Variants in IL1RL2 observed in about 807,000 individuals in gnomAD.
The protein encoded by IL1RL2 is interleukin-1 receptor-like 2.
IL1RL2 carries 68 observed loss-of-function variants against 66.8 expected under a neutral mutation model. The observed-to-expected ratio is 1.02, with a 90% CI of 0.84 to 1.25. The LOEUF is 1.25. Among genes scored for constraint, IL1RL2 ranks in the 50% most tolerant of loss-of-function variants. The pLI is 0.00. For missense variants in IL1RL2, 729 were observed against 709.3 expected (o/e 1.03, Z -0.32); for synonymous variants, 305 against 264.6 (o/e 1.15, Z -1.48).
At chr2:102,201,242 C>A (rs533640477) in intron 4 of IL1RL2, among the ~76,000 whole-genome samples, 1 of 152,270 alleles carries the variant, frequency 6.6e-6, no homozygotes, top group Admixed American at 6.5e-5. Flanking sequence ...TCAAGTCCTA[C>A]TAGACTTATT....
Position 102,239,822 on chromosome 2 carries a change from TC to T in IL1RL2, c.*582del, listed in dbSNP as rs1288713186. ...GGGTGAGAGCTGGGGGGATCACCTG[TC>T]ATGGTGGGTGAGAGTTGGGATTCAT... On this transcript the variant is annotated 3_prime_UTR_variant, in exon 12 of 12. Coordinates refer to ENST00000264257, the MANE Select transcript of IL1RL2 (RefSeq NM_003854.4). The T allele has an allele frequency of 6.4e-6, 1 of 155,690 alleles. No homozygotes were observed. Among genetic ancestry groups the T allele is most frequent in the Non-Finnish European group, 1.4e-5 (1 of 69,886 alleles). 9.6% of individuals were successfully genotyped at this position (155,690 alleles called of 1,614,324 possible).
In IL1RL2 at chr2:102,235,372, G is replaced by T; in HGVS notation, c.1678+95G>T. 3 of 1,525,748 alleles carry T rather than the reference G, an allele frequency of 2.0e-6. No individual in the cohort carries two copies. In the South Asian group the frequency reaches 3.8e-5, roughly 19 times the overall value. 94.5% of individuals were successfully genotyped at this position (1,525,748 alleles called of 1,614,324 possible). On this transcript the variant is annotated intron_variant, in intron 11 of 11. Transcript: ENST00000264257. ...AGCTGGAGGAGGACACGTTTCATCG[G>T]GGCCGTCTGCTCTGAAGCTGGCAGT...
chr2:102,231,327 G>C (rs1169787471), intron 9 of IL1RL2, among the ~76,000 whole-genome samples: 2 of 151,838 alleles, frequency 1.3e-5, no homozygotes, highest in African/African-American at 4.8e-5. Context: ...ACGAAACCCC[G>C]TCTCTGCTAA....
intron 5 of IL1RL2, among the ~76,000 whole-genome samples, chr2:102,204,610 A>C (rs577915936): frequency 6.6e-6 from 1 of 152,048 alleles, no homozygotes; most frequent in East Asian, 1.9e-4. Context: ...TTTTATCATT[A>C]CATAGTGACT....
chr2:102,240,121 A>G (rs1207733655), downstream of IL1RL2: 1 of 152,144 alleles, frequency 6.6e-6, no homozygotes, highest in African/African-American at 2.4e-5. Context: ...ACATTCAAAT[A>G]TTTTTCACCT....
intron 6 of IL1RL2, 78 bp from the exon 7 acceptor site, chr2:102,218,875 C>A (rs1689845637): frequency 3.2e-6 from 4 of 1,254,292 alleles, no homozygotes; most frequent in Non-Finnish European, 4.6e-6. Flanking sequence ...GAGTACGATG[C>A]ACTTGTAATC....
At chr2:102,189,680 C>T (rs1334218114) in intron 3 of IL1RL2, among the ~76,000 whole-genome samples, 2 of 152,140 alleles carry the variant, frequency 1.3e-5, no homozygotes, top group South Asian at 2.1e-4. Flanking sequence ...GCAGTGGCGG[C>T]GATCTCGGCT....
chr2:102,223,821 A>G (rs1160170965), intron 8 of IL1RL2, among the ~76,000 whole-genome samples: 1 of 152,182 alleles, frequency 6.6e-6, no homozygotes, highest in Non-Finnish European at 1.5e-5. Flanking sequence ...TGTTACCCCT[A>G]GAAAGAATTA....
intron 10 of IL1RL2, 89 bp from the exon 11 acceptor site, chr2:102,234,808 T>C (rs1240399170): frequency 1.6e-6 from 2 of 1,257,908 alleles, no homozygotes; most frequent in Non-Finnish European, 2.2e-6. Flanking sequence ...GTCAATTTTC[T>C]CCTGGCCTGT....
chr2:102,195,627 T>TTCTTTCTTTCTTTC (rs1559530270), intron 4 of IL1RL2, among the ~76,000 whole-genome samples: 4 of 14,646 alleles, frequency 2.7e-4, no homozygotes, highest in East Asian at 4.3e-3. Context: ...CTTTCTTTCT[T>TTCTTTCTTTCTTTC]TCTCTCTCTC....
intron 3 of IL1RL2, among the ~76,000 whole-genome samples, chr2:102,189,549 A>C (rs1687044546): frequency 6.6e-6 from 1 of 152,174 alleles, no homozygotes; most frequent in Non-Finnish European, 1.5e-5. Context: ...ACCCACTCAC[A>C]AAGTGTGTTT....
intron 6 of IL1RL2, among the ~76,000 whole-genome samples, chr2:102,216,536 T>A (rs1366030949): frequency 1.3e-5 from 2 of 152,232 alleles, no homozygotes; most frequent in African/African-American, 2.4e-5. Context: ...TTTGCCACTG[T>A]ATGTCTTTGA....
At chr2:102,228,061 G>C (rs1399554393) in intron 9 of IL1RL2, among the ~76,000 whole-genome samples, 1 of 152,226 alleles carries the variant, frequency 6.6e-6, no homozygotes, top group Non-Finnish European at 1.5e-5. Flanking sequence ...ACAGTGGGCA[G>C]AGGATTTGGC....
At chr2:102,238,742 C>A (rs144025191) in intron 11 of IL1RL2, among the ~76,000 whole-genome samples, 7 of 152,246 alleles carry the variant, frequency 4.6e-5, no homozygotes, top group African/African-American at 1.7e-4. Flanking sequence ...GTGGTGGCTG[C>A]TGGGTCTGAA....
intron 4 of IL1RL2, among the ~76,000 whole-genome samples, chr2:102,199,108 G>A (rs1364000339): frequency 2.6e-5 from 4 of 152,112 alleles, no homozygotes; most frequent in Non-Finnish European, 5.9e-5. Flanking sequence ...CTGTGGACTG[G>A]AACTGCTTAA....
chr2:102,196,008 C>T (rs192467856), intron 4 of IL1RL2, among the ~76,000 whole-genome samples: 12 of 152,192 alleles, frequency 7.9e-5, no homozygotes, highest in East Asian at 5.8e-4. Flanking sequence ...GCCAGCGCAT[C>T]GGGCCCTTAT....
chr2:102,224,105 G>A lies in IL1RL2; in HGVS notation c.992-1793G>A, dbSNP rs143509066. 6.4e-4 allele frequency among the ~76,000 whole-genome samples: 97 copies of A among 152,326 alleles called. No individual in the cohort carries two copies. In the East Asian group the frequency reaches 0.013, roughly 20 times the overall value. On this transcript the variant is annotated intron_variant, in intron 8 of 11. Transcript: ENST00000264257. ...TACAACACGGCGTGGCCTAGGGCAG[G>A]TGGCAATAAGCTCTTTAATGAGTAT...
chr2:102,235,991 T>G (rs1674845297), intron 11 of IL1RL2: 1 of 961,656 alleles, frequency 1.0e-6, no homozygotes, highest in African/African-American at 1.8e-5. Context: ...TTTAGACACA[T>G]GTCAACCAGA....
chr2:102,220,057 A>C, intron 8 of IL1RL2, 40 bp downstream of exon 8: 1 of 1,527,758 alleles, frequency 6.5e-7, no homozygotes, highest in South Asian at 1.2e-5. Context: ...AGAGTGTTCA[A>C]AACGATGGCC....
Sources: allele counts gnomAD v4.1 joint callset (sites outside exome capture counted in the v4.1 genomes callset), GRCh38; gene constraint gnomAD v4.1.1; transcripts MANE v1.5; gene names NCBI Gene and HGNC (gene_info 2026-07-23, HGNC 2026-07-21).